RALGPS2: variants seen among roughly 807,000 people sequenced by gnomAD.
The protein encoded by RALGPS2 is ras-specific guanine nucleotide-releasing factor RalGPS2.
RALGPS2 carries 43 observed loss-of-function variants against 86.8 expected under a neutral mutation model. That is an observed-to-expected ratio of 0.50 (90% CI 0.39 to 0.64). The LOEUF (loss-of-function observed/expected upper bound fraction) is 0.64. RALGPS2 is among the 30% of genes least tolerant of loss of function. RALGPS2 has a pLI of 0.00. For synonymous variants in RALGPS2, 243 were observed against 231.3 expected, an observed-to-expected ratio of 1.05 and a Z score of -0.46; for missense variants, 536 against 694.6, an observed-to-expected ratio of 0.77 and a Z score of 2.57.
chr1:178,854,335 T>C (rs888606762), intron 8 of RALGPS2, among the ~76,000 whole-genome samples: 1 of 152,190 alleles, frequency 6.6e-6, no homozygotes, highest in Non-Finnish European at 1.5e-5. Flanking sequence ...TGGAACATAC[T>C]AGTACCTTGA....
At chr1:178,738,159 G>A (rs1039545343) in intron 1 of RALGPS2, among the ~76,000 whole-genome samples, 5 of 147,754 alleles carry the variant, frequency 3.4e-5, no homozygotes, top group Non-Finnish European at 6.0e-5. Flanking sequence ...TTTTGGTTAG[G>A]TCTAGTCAAA....
rs147973330 is a variant in RALGPS2 at position 178,881,251 on chromosome 1, A to G, written c.837-2215A>G. On this transcript the variant is annotated intron_variant, in intron 10 of 19. Coordinates refer to ENST00000367635, the MANE Select transcript of RALGPS2 (RefSeq NM_152663.5). ...GCTTTACCTAGGAAAACTAAAAGGA[A>G]ATATGAACAGCTTCAGGAGACAGCG... 1.8e-4 allele frequency among the ~76,000 whole-genome samples: 27 copies of G among 152,290 alleles called. 1 individual carries two copies. The East Asian group carries it at 4.6e-3, about 26-fold the overall frequency.
chr1:178,739,151 A>G (rs1650882281), intron 1 of RALGPS2, among the ~76,000 whole-genome samples: 1 of 152,164 alleles, frequency 6.6e-6, no homozygotes, highest in Non-Finnish European at 1.5e-5. Flanking sequence ...TTTAGATCCT[A>G]TCTCTTAAAG....
chr1:178,907,363 T>C (rs1660432208), intron 19 of RALGPS2, among the ~76,000 whole-genome samples: 1 of 152,230 alleles, frequency 6.6e-6, no homozygotes, highest in Non-Finnish European at 1.5e-5. Flanking sequence ...AAAAATTAGA[T>C]GGCATATTAA....
Position 178,852,610 on chromosome 1 carries a change from T to G in RALGPS2, c.607+19060T>G, listed in dbSNP as rs573187175. ...CCTTTTTGAAAAGACTTTAGTAGCATATATATTAGTAGATTCTATTTAATG... is the reference window on the plus strand; with the variant it reads ...CCTTTTTGAAAAGACTTTAGTAGCAGATATATTAGTAGATTCTATTTAATG... On this transcript the variant is annotated intron_variant, in intron 8 of 19. Transcript: ENST00000367635. 1.3e-4 allele frequency: 193 copies of G among 1,475,516 alleles called. No individual in the cohort carries two copies. In the African/African-American group the frequency reaches 2.6e-3, roughly 20 times the overall value. The allele number at this position is 1,475,516 out of a possible 1,614,324, so 91.4% of individuals were successfully genotyped here.
intron 8 of RALGPS2, among the ~76,000 whole-genome samples, chr1:178,876,699 C>T (rs992336473): frequency 1.8e-4 from 27 of 152,150 alleles, no homozygotes; most frequent in African/African-American, 5.8e-4. Context: ...TTTCTTTTCT[C>T]TCCAGCTATA....
intron 1 of RALGPS2, among the ~76,000 whole-genome samples, chr1:178,774,311 A>G (rs1185779283): frequency 1.3e-5 from 2 of 152,168 alleles, no homozygotes; most frequent in African/African-American, 2.4e-5. Context: ...GTGATTCTTC[A>G]TGCTTATAGT....
chr1:178,801,912 A>G (rs1324254676), intron 4 of RALGPS2, among the ~76,000 whole-genome samples: 3 of 152,160 alleles, frequency 2.0e-5, no homozygotes, highest in Non-Finnish European at 4.4e-5. Flanking sequence ...AAAGAAGCTT[A>G]TAATTAGAAA....
At chr1:178,824,757 C>T (rs558795315) in intron 7 of RALGPS2, among the ~76,000 whole-genome samples, 1 of 151,588 alleles carries the variant, frequency 6.6e-6, no homozygotes, top group Non-Finnish European at 1.5e-5. Flanking sequence ...TGCAGTGAGC[C>T]GAGATCGCGC....
intron 1 of RALGPS2, among the ~76,000 whole-genome samples, chr1:178,751,221 G>A (rs1651635601): frequency 6.6e-6 from 1 of 152,014 alleles, no homozygotes; most frequent in Admixed American, 6.6e-5. Context: ...CCGTTCTTGT[G>A]GCTTTGCAAA....
chr1:178,853,294 A>G (rs796554483), intron 8 of RALGPS2: 6 of 856,712 alleles, frequency 7.0e-6, no homozygotes, highest in Non-Finnish European at 8.4e-6. Flanking sequence ...GGTCTCTCTC[A>G]TATTCATCTA....
intron 8 of RALGPS2, among the ~76,000 whole-genome samples, chr1:178,862,396 C>G (rs1005932538): frequency 6.6e-6 from 1 of 151,952 alleles, no homozygotes; most frequent in Non-Finnish European, 1.5e-5. Flanking sequence ...AACCATCTAC[C>G]AGGAAGGAGC....
intron 7 of RALGPS2, among the ~76,000 whole-genome samples, chr1:178,823,740 T>C (rs1222451157): frequency 6.6e-6 from 1 of 152,228 alleles, no homozygotes; most frequent in Non-Finnish European, 1.5e-5. Context: ...TGTTTACTTA[T>C]ATTCAGAGAG....
At chr1:178,856,479 A>C (rs74944562) in intron 8 of RALGPS2, among the ~76,000 whole-genome samples, 3 of 131,404 alleles carry the variant, frequency 2.3e-5, no homozygotes, top group Non-Finnish European at 3.1e-5. Flanking sequence ...TCCAGGTCTC[A>C]AGTGAACTCC....
At chr1:178,863,856 A>G (rs1331672333) in intron 8 of RALGPS2, among the ~76,000 whole-genome samples, 3 of 152,248 alleles carry the variant, frequency 2.0e-5, no homozygotes, top group Non-Finnish European at 4.4e-5. Context: ...ATTCACTGAC[A>G]GAGAGATGAA....
At chr1:178,865,713 T>G in intron 8 of RALGPS2, 1 of 1,613,764 alleles carries the variant, frequency 6.2e-7, no homozygotes, top group Non-Finnish European at 8.5e-7. Flanking sequence ...TGTCCACCTC[T>G]GCAATGTCCA....
chr1:178,815,753 A>G (rs1655196179), intron 6 of RALGPS2, among the ~76,000 whole-genome samples: 1 of 149,454 alleles, frequency 6.7e-6, no homozygotes, highest in East Asian at 1.9e-4. Context: ...CATTTTCCCA[A>G]ACAACATTTC....
At chr1:178,753,922 C>T (rs1305934754) in intron 1 of RALGPS2, 1 of 151,862 alleles carries the variant, frequency 6.6e-6, no homozygotes, top group Non-Finnish European at 1.5e-5. Context: ...AGCTCCACCT[C>T]CTGGGTTCAC....
At chr1:178,801,190 T>C (rs944364446) in intron 4 of RALGPS2, among the ~76,000 whole-genome samples, 4 of 152,110 alleles carry the variant, frequency 2.6e-5, no homozygotes, top group Non-Finnish European at 5.9e-5. Context: ...CCTCCCAAAG[T>C]GTTAGGATTA....
Sources: allele counts gnomAD v4.1 joint callset (sites outside exome capture counted in the v4.1 genomes callset), GRCh38; gene constraint gnomAD v4.1.1; transcripts MANE v1.5; gene names NCBI Gene and HGNC (gene_info 2026-07-23, HGNC 2026-07-21).